MTTP: variants seen among roughly 807,000 people sequenced by gnomAD.
MTTP encodes the protein microsomal triglyceride transfer protein large subunit.
Under a neutral mutation model 90.6 loss-of-function variants are expected in MTTP, and 49 were observed. That is an observed-to-expected ratio of 0.54 (90% CI 0.43 to 0.69). MTTP has a LOEUF of 0.69. Ranked by LOEUF, MTTP falls within the 30% of genes least tolerant of loss-of-function variation. The pLI is 0.00. For missense variants in MTTP, 945 were observed against 1,067.5 expected (o/e 0.89, Z 1.60); for synonymous variants, 347 against 384.2 (o/e 0.90, Z 1.13).
At position 99,597,133 on chromosome 4, in the gene MTTP, G is replaced by A. The variant is rs375751216; in HGVS notation, c.976G>A (p.Val326Ile). The A allele has an allele frequency of 6.2e-7, 1 of 1,614,060 alleles. No homozygotes were observed. The highest frequency in any genetic ancestry group is 1.3e-5 in the African/African-American group (1 of 75,026). The stretch of plus-strand genomic sequence containing the variant: ...TGACAACCTTTCCAAGGCTGAGGCT[G>A]TCAGAAACTTCCTGGCCTTCATTCA... Reference protein sequence around the residue: ...QPDNLSKAEAVRNFLAFIQHL... With the variant: ...QPDNLSKAEAIRNFLAFIQHL... The change falls in exon 8 of 18, where the codon GTC becomes ATC. Residue 326 changes from valine (V) to isoleucine (I), a missense_variant. Transcript: ENST00000265517.
intron 1 of MTTP, among the ~76,000 whole-genome samples, chr4:99,580,189 C>T (rs1488899892): frequency 6.6e-6 from 1 of 151,668 alleles, no homozygotes; most frequent in Non-Finnish European, 1.5e-5. Flanking sequence ...AAATTTCTAG[C>T]TCACTGCCTA....
At chr4:99,616,136 G>A (rs149939322) in intron 15 of MTTP, among the ~76,000 whole-genome samples, 8 of 152,314 alleles carry the variant, frequency 5.3e-5, no homozygotes, top group African/African-American at 1.2e-4. Flanking sequence ...GCTCACGCCT[G>A]TAATCCCAGC....
At chr4:99,611,066 T>G in intron 12 of MTTP, 77 bp from the exon 13 acceptor site, 3 of 1,063,882 alleles carry the variant, frequency 2.8e-6, no homozygotes, top group Non-Finnish European at 4.1e-6. Context: ...CCACTGAGGA[T>G]TTTTTTTTTC....
At chr4:99,603,011 G>A (rs1405560418) in intron 10 of MTTP, among the ~76,000 whole-genome samples, 2 of 152,146 alleles carry the variant, frequency 1.3e-5, no homozygotes, top group African/African-American at 4.8e-5. Context: ...CTGTTTGAGT[G>A]TGCTCGAGAA....
rs762020647 is a variant in MTTP at position 99,597,083 on chromosome 4, G to A, written c.926G>A (p.Arg309Gln). The A allele has an allele frequency of 4.3e-6, 7 of 1,613,772 alleles. No homozygotes were observed. The highest frequency in any genetic ancestry group is 4.0e-5 in the African/African-American group (3 of 74,882). Reference sequence around the variant, plus strand: ...GTTTTGCAGCTCTCGGAGCTCTGGCGGTCCACCAGGAAATACCTGCAGCCT... The same window carrying A: ...GTTTTGCAGCTCTCGGAGCTCTGGCAGTCCACCAGGAAATACCTGCAGCCT... Reference protein sequence around the residue: ...KGCPSLSELWRSTRKYLQPDN... With the variant: ...KGCPSLSELWQSTRKYLQPDN... Residue 309 changes from arginine (R) to glutamine (Q), a missense_variant, in exon 8 of 18, where the codon CGG becomes CAG. By Grantham distance (43) the Arg-to-Gln change is conservative. Coordinates refer to ENST00000265517, the MANE Select transcript of MTTP (RefSeq NM_001386140.1).
intron 3 of MTTP, chr4:99,583,981 AG>A (rs1725191844): frequency 5.9e-6 from 1 of 168,746 alleles, no homozygotes; most frequent in Non-Finnish European, 1.3e-5. Context: ...AGATTTTAAA[AG>A]GGTATGACAA....
intron 15 of MTTP, among the ~76,000 whole-genome samples, chr4:99,616,237 T>TA (rs1305502689): frequency 2.6e-5 from 4 of 151,792 alleles, no homozygotes; most frequent in African/African-American, 9.7e-5. Flanking sequence ...CTACAAAAAA[T>TA]AAAAAAATTA....
chr4:99,601,532 AT>A (rs1725697896), intron 9 of MTTP, 74 bp from the exon 10 acceptor site: 2 of 1,180,296 alleles, frequency 1.7e-6, no homozygotes, highest in African/African-American at 1.5e-5. Context: ...GTATGTGTTT[AT>A]TTTTTAACTA....
upstream of MTTP, among the ~76,000 whole-genome samples, chr4:99,570,223 T>C (rs760205574): frequency 3.3e-5 from 5 of 152,000 alleles, no homozygotes; most frequent in Admixed American, 6.6e-5. Flanking sequence ...AGTTTTAGTT[T>C]TTCTGGAAAA....
chr4:99,622,922 C>T lies in MTTP; in HGVS notation c.*74C>T, dbSNP rs1726278138. The T allele has an allele frequency of 2.0e-6, 3 of 1,482,784 alleles. No homozygotes were observed. Among genetic ancestry groups the T allele is most frequent in the South Asian group, 2.3e-5 (2 of 88,216 alleles). The allele number at this position is 1,482,784 out of a possible 1,614,324, so 91.9% of individuals were successfully genotyped here. On this transcript the variant is annotated 3_prime_UTR_variant, in exon 18 of 18. Transcript: ENST00000265517. ...AATGTGGCATGACTAAGTACTTGCT[C>T]TCTGAGAGCACAGCGTTTACATATT...
chr4:99,574,755 G>C, upstream of MTTP: 2 of 1,547,458 alleles, frequency 1.3e-6, no homozygotes, highest in Non-Finnish European at 1.8e-6. Flanking sequence ...CTTAGGTCCT[G>C]ATTTTGGAGT....
chr4:99,576,181 A>T (rs1237561588), intron 1 of MTTP, among the ~76,000 whole-genome samples: 1 of 152,184 alleles, frequency 6.6e-6, no homozygotes, highest in Non-Finnish European at 1.5e-5. Context: ...TTTATAAATT[A>T]TATCTGACTG....
At chr4:99,596,596 T>G (rs1032427456) in intron 7 of MTTP, among the ~76,000 whole-genome samples, 25 of 151,972 alleles carry the variant, frequency 1.6e-4, no homozygotes, top group African/African-American at 5.3e-4. Context: ...AGAGAGAGAA[T>G]AGGGAGCTCA....
intron 1 of MTTP, among the ~76,000 whole-genome samples, chr4:99,580,035 C>CAAAA (rs34092272): frequency 3.3e-5 from 2 of 60,618 alleles, no homozygotes; most frequent in African/African-American, 5.9e-5. Flanking sequence ...GACCCTGTCT[C>CAAAA]AAAAAAAAAA....
At chr4:99,590,290 A>G (rs972681424) in intron 4 of MTTP, among the ~76,000 whole-genome samples, 7 of 152,124 alleles carry the variant, frequency 4.6e-5, no homozygotes, top group Non-Finnish European at 1.5e-5. Context: ...GGGTTTCACC[A>G]TGTTGGCCAG....
chr4:99,600,835 A>G (rs2110224802), intron 9 of MTTP, 102 bp downstream of exon 9: 8 of 1,138,260 alleles, frequency 7.0e-6, no homozygotes, highest in South Asian at 1.4e-5. Context: ...GCTATCAACT[A>G]GAGACTTCTG....
intron 4 of MTTP, among the ~76,000 whole-genome samples, chr4:99,590,858 CA>C (rs61453829): frequency 1.7e-4 from 22 of 129,136 alleles, no homozygotes; most frequent in African/African-American, 7.3e-4. Flanking sequence ...CACACACACA[CA>C]CACACCACAC....
chr4:99,582,080 G>C lies in MTTP; in HGVS notation c.237G>C (p.Leu79Phe). ...ATCCTGATGGTGATGATGACCAGTTGATCCAAATAACGGTGGGCATTTTCT... is the reference window on the plus strand; with the variant it reads ...ATCCTGATGGTGATGATGACCAGTTCATCCAAATAACGGTGGGCATTTTCT... ...WRNPDGDDDQ[L>F]IQITMKDVNV... The change falls in exon 2 of 18, where the codon TTG becomes TTC. Residue 79 changes from leucine (L) to phenylalanine (F), a missense_variant. Transcript: ENST00000265517. 6.2e-7 allele frequency: 1 copy of C among 1,614,112 alleles called. No individual in the cohort carries two copies.
At position 99,597,126 on chromosome 4, in the gene MTTP, T is replaced by C. The variant is rs17533489; in HGVS notation, c.969T>C (p.Ala323=). The part of the protein sequence containing the change: ...KYLQPDNLSK[A]EAVRNFLAFI... ...TGCAGCCTGACAACCTTTCCAAGGC[T>C]GAGGCTGTCAGAAACTTCCTGGCCT... The change falls in exon 8 of 18, where the codon GCT becomes GCC. Residue 323 remains alanine, a synonymous_variant. Transcript: ENST00000265517. The C allele has an allele frequency of 0.11, 180,298 of 1,613,882 alleles. 11,288 individuals are homozygous for C. Among genetic ancestry groups the C allele is most frequent in the Middle Eastern group, 0.19 (1,124 of 6,060 alleles).
Sources: allele counts gnomAD v4.1 joint callset (sites outside exome capture counted in the v4.1 genomes callset), GRCh38; gene constraint gnomAD v4.1.1; transcripts MANE v1.5; gene names NCBI Gene and HGNC (gene_info 2026-07-23, HGNC 2026-07-21).